The following UBR2 variants were observed in gnomAD, a reference collection of about 807,000 sequenced individuals.
The protein encoded by UBR2 is E3 ubiquitin-protein ligase UBR2.
A neutral mutation model predicts 247.9 loss-of-function variants in UBR2; 92 were observed. That is an observed-to-expected ratio of 0.37 (90% confidence interval 0.31 to 0.44). UBR2 has a LOEUF of 0.44. UBR2 is among the 20% of genes least tolerant of loss of function. UBR2 has a pLI of 1.00. For synonymous variants in UBR2, 672 were observed against 693.5 expected, an observed-to-expected ratio of 0.97 and a Z score of 0.49; for missense variants, 1,613 against 2,112.6, an observed-to-expected ratio of 0.76 and a Z score of 4.64.
At chr6:42,576,780 C>G (rs912387103) in intron 2 of UBR2, among the ~76,000 whole-genome samples, 10 of 152,082 alleles carry the variant, frequency 6.6e-5, no homozygotes, top group African/African-American at 2.4e-4. Flanking sequence ...CTCAGCCTCT[C>G]AAAGTGCTGG....
At position 42,676,882 on chromosome 6, in the gene UBR2, G is replaced by C; in HGVS notation, c.4478+9G>C. 6 of 1,603,934 alleles carry C rather than the reference G, an allele frequency of 3.7e-6. No individual in the cohort carries two copies. Among genetic ancestry groups the C allele is most frequent in the South Asian group, 2.2e-5 (2 of 90,770 alleles). On this transcript the variant is annotated intron_variant, in intron 40 of 46. Coordinates refer to ENST00000372901, the MANE Select transcript of UBR2 (RefSeq NM_001363705.2). The stretch of plus-strand genomic sequence containing the variant: ...CACCAGTATACGGGAAGGTGAGTTA[G>C]TTATCTTTACATAACGCATTTCCCT...
chr6:42,620,643 T>C (rs1794929883), intron 11 of UBR2, among the ~76,000 whole-genome samples: 2 of 151,416 alleles, frequency 1.3e-5, no homozygotes, highest in African/African-American at 4.9e-5. Flanking sequence ...ATAATAGAGA[T>C]GGGGTTTCAC....
chr6:42,564,513 C>A, intron 1 of UBR2, 116 bp downstream of exon 1: 2 of 1,192,216 alleles, frequency 1.7e-6, no homozygotes, highest in Non-Finnish European at 1.2e-6. Flanking sequence ...AACAGCTGTG[C>A]CGGCCCTCGC....
At chr6:42,658,619 G>T in intron 28 of UBR2, 27 bp from the exon 29 acceptor site, 1 of 1,571,166 alleles carries the variant, frequency 6.4e-7, no homozygotes, top group Non-Finnish European at 8.6e-7. Context: ...GCATCTAATT[G>T]TCTAATTGAA....
At chr6:42,674,993 C>T (rs1798640149) in intron 38 of UBR2, among the ~76,000 whole-genome samples, 1 of 152,154 alleles carries the variant, frequency 6.6e-6, no homozygotes, top group African/African-American at 2.4e-5. Flanking sequence ...TTCCCTTGCA[C>T]AGGGTACAGA....
chr6:42,643,238 T>G (rs1027080024), intron 18 of UBR2, among the ~76,000 whole-genome samples: 1 of 152,148 alleles, frequency 6.6e-6, no homozygotes, highest in East Asian at 1.9e-4. Flanking sequence ...CCCTTTTGCC[T>G]TGCATAGTGC....
intron 4 of UBR2, among the ~76,000 whole-genome samples, chr6:42,602,695 ATATT>A (rs1793462215): frequency 6.7e-6 from 1 of 148,626 alleles, no homozygotes; most frequent in Non-Finnish European, 1.5e-5. Context: ...ATGTAATTAT[ATATT>A]ATAAGAATAT....
At chr6:42,567,274 T>C (rs1790836495) in intron 1 of UBR2, among the ~76,000 whole-genome samples, 2 of 152,366 alleles carry the variant, frequency 1.3e-5, no homozygotes, top group South Asian at 2.1e-4. Flanking sequence ...GCTGACTCTT[T>C]AATATTTGTA....
chr6:42,585,906 T>G (rs1431987675), intron 2 of UBR2, among the ~76,000 whole-genome samples: 1 of 152,206 alleles, frequency 6.6e-6, no homozygotes, highest in Non-Finnish European at 1.5e-5. Flanking sequence ...TTATTCTTCC[T>G]TCTGCTTAGT....
rs1384498726 is a variant in UBR2 at position 42,573,891 on chromosome 6, G to A, written c.236G>A (p.Gly79Asp). ...GGACCAATGGAATGGTACCTTTGTG[G>A]TGAAGATCCTGCATTTGGATTTCCA... ...LLGPMEWYLC[G>D]EDPAFGFPKL... Residue 79 changes from glycine to aspartate, a missense_variant, in exon 2 of 47, where the codon GGT (glycine) becomes GAT (aspartate). Around this residue, in one of 3 missense-constraint regions of UBR2, gnomAD observed 1,524 missense variants for 1,967.3 expected, o/e 0.77. Transcript: ENST00000372901. 1.2e-6 allele frequency: 2 copies of A among 1,614,092 alleles called. No individual in the cohort carries two copies. Among genetic ancestry groups the A allele is most frequent in the Non-Finnish European group, 1.7e-6 (2 of 1,180,010 alleles).
intron 7 of UBR2, among the ~76,000 whole-genome samples, chr6:42,611,145 C>T (rs1011059913): frequency 1.4e-5 from 2 of 144,432 alleles, no homozygotes; most frequent in African/African-American, 2.5e-5. Flanking sequence ...CGTGCCCAGC[C>T]ATGATTTAAA....
At chr6:42,637,822 A>G (rs1026825918) in intron 15 of UBR2, among the ~76,000 whole-genome samples, 1 of 152,234 alleles carries the variant, frequency 6.6e-6, no homozygotes, top group African/African-American at 2.4e-5. Context: ...ATATGCACTT[A>G]TCCATCTCTG....
At chr6:42,615,752 TAA>T (rs112022552) in intron 9 of UBR2, among the ~76,000 whole-genome samples, 7 of 130,512 alleles carry the variant, frequency 5.4e-5, no homozygotes, top group African/African-American at 6.1e-5. Flanking sequence ...AGCAAGACCC[TAA>T]AAAAAAAAAA....
Position 42,658,763 on chromosome 6 carries a change from A to G in UBR2, c.3181A>G (p.Lys1061Glu), listed in dbSNP as rs1431218379. Residue 1061 changes from lysine to glutamate, a missense_variant, in exon 29 of 47, where the codon AAA (lysine) becomes GAA (glutamate). By Grantham distance (56) the Lys-to-Glu change is moderately conservative. This residue lies in a region of UBR2 where 1,524 missense variants were observed against 1,967.3 expected (regional missense o/e 0.77). Coordinates refer to ENST00000372901, the MANE Select transcript of UBR2 (RefSeq NM_001363705.2). ...GCAGCGGCATTTTATTGATGAAAAC[A>G]AAGAACTCTTTCAGCAGACATTAGA... is the stretch of plus-strand genomic sequence containing the variant. ...EMQRHFIDEN[K>E]ELFQQTLELD... The G allele has an allele frequency of 6.2e-7, 1 of 1,613,418 alleles. No individual in the cohort carries two copies. Among genetic ancestry groups the G allele is most frequent in the Non-Finnish European group, 8.5e-7 (1 of 1,179,852 alleles).
At chr6:42,642,885 T>TA (rs1203916761) in intron 18 of UBR2, among the ~76,000 whole-genome samples, 1 of 152,238 alleles carries the variant, frequency 6.6e-6, no homozygotes, top group Non-Finnish European at 1.5e-5. Context: ...AGGACTGCGA[T>TA]ACTTAACTGC....
chr6:42,624,277 C>T (rs1006522543), intron 11 of UBR2, among the ~76,000 whole-genome samples: 2 of 151,408 alleles, frequency 1.3e-5, no homozygotes, highest in Non-Finnish European at 2.9e-5. Flanking sequence ...GCTGGGAGTA[C>T]AGGCATGCAC....
rs146573396 is a variant in UBR2 at position 42,631,028 on chromosome 6, A to C, written c.1282-1524A>C. ...CACTGTGTTGCCCAGGCTGGTCTCG[A>C]ACTGGGCTCAAATAATCCGCCTGCC... On this transcript the variant is annotated intron_variant, in intron 11 of 46. Coordinates refer to ENST00000372901, the MANE Select transcript of UBR2 (RefSeq NM_001363705.2). 3.0e-4 allele frequency among the ~76,000 whole-genome samples: 45 copies of C among 152,240 alleles called. 1 individual carries two copies. The East Asian group carries it at 8.7e-3, about 29-fold the overall frequency.
chr6:42,592,416 G>A (rs1792725906), intron 3 of UBR2, among the ~76,000 whole-genome samples, 187 bp downstream of exon 3: 1 of 152,032 alleles, frequency 6.6e-6, no homozygotes. Flanking sequence ...ACACTTCTTG[G>A]AGCATATGAT....
chr6:42,634,324 G>A (rs937723977), intron 13 of UBR2: 1 of 383,262 alleles, frequency 2.6e-6, no homozygotes, highest in Non-Finnish European at 5.0e-6. Context: ...ACTGTAAGAA[G>A]ATAGGTGACG....
Sources: allele counts gnomAD v4.1 joint callset (sites outside exome capture counted in the v4.1 genomes callset), GRCh38; gene constraint gnomAD v4.1.1; regional missense constraint gnomAD v4.1.1; transcripts MANE v1.5; gene names NCBI Gene and HGNC (gene_info 2026-07-23, HGNC 2026-07-21).